The following THRB variants were observed in gnomAD, a reference collection of about 807,000 sequenced individuals.
THRB encodes the protein nuclear receptor subfamily 1 group A member 2.
A neutral mutation model predicts 47.8 loss-of-function variants in THRB; 12 were observed. The observed-to-expected ratio is 0.25, with a 90% CI of 0.16 to 0.41. THRB has a LOEUF of 0.41. Ranked by LOEUF, THRB falls within the 10% of genes least tolerant of loss-of-function variation. The pLI, the probability that THRB is intolerant of heterozygous loss-of-function variation, is 1.00. For missense variants in THRB, 348 were observed against 589.2 expected (o/e 0.59, Z 4.24); for synonymous variants, 218 against 212.2 (o/e 1.03, Z -0.24).
intron 1 of THRB, among the ~76,000 whole-genome samples, chr3:24,383,193 C>A (rs1432375820): frequency 3.9e-5 from 6 of 152,092 alleles, no homozygotes; most frequent in Admixed American, 3.3e-4. Context: ...AATATTGAAT[C>A]TTCAACAAAG....
chr3:24,458,429 CT>C (rs1359093616), intron 1 of THRB: 6 of 152,070 alleles, frequency 3.9e-5, no homozygotes, highest in African/African-American at 1.4e-4. Flanking sequence ...GAATAATTGC[CT>C]TTGAAGATTT....
At chr3:24,249,901 AT>A (rs1185579823) in intron 3 of THRB, among the ~76,000 whole-genome samples, 2 of 152,182 alleles carry the variant, frequency 1.3e-5, no homozygotes, top group East Asian at 3.8e-4. Context: ...TTTTGCTAGT[AT>A]TTCCACATGG....
At chr3:24,242,794 A>C (rs968047615) in intron 3 of THRB, among the ~76,000 whole-genome samples, 10 of 152,142 alleles carry the variant, frequency 6.6e-5, no homozygotes, top group Admixed American at 3.9e-4. Flanking sequence ...GTTTGCATCC[A>C]GCCAAAGAAT....
chr3:24,287,475 C>G (rs968234846), intron 3 of THRB, among the ~76,000 whole-genome samples: 59 of 152,144 alleles, frequency 3.9e-4, no homozygotes, highest in Non-Finnish European at 7.1e-4. Flanking sequence ...AAAATCAGTT[C>G]TAGTGAAGCA....
intron 3 of THRB, among the ~76,000 whole-genome samples, chr3:24,292,015 A>C (rs1303546797): frequency 1.3e-5 from 2 of 152,190 alleles, no homozygotes; most frequent in Admixed American, 6.5e-5. Flanking sequence ...TGGTACATCT[A>C]ATCATTCAAT....
chr3:24,292,122 A>C (rs1205368078), intron 3 of THRB, among the ~76,000 whole-genome samples: 1 of 152,136 alleles, frequency 6.6e-6, no homozygotes. Flanking sequence ...TTAAGGAAAA[A>C]ATTTAATCTG....
At chr3:24,175,893 C>A (rs1028825603) in intron 5 of THRB, among the ~76,000 whole-genome samples, 20 of 152,096 alleles carry the variant, frequency 1.3e-4, no homozygotes, top group African/African-American at 4.6e-4. Context: ...TACATAATTA[C>A]AAAGGGAAAA....
rs972105651 is a variant in THRB at position 24,117,643 on chromosome 3, A to G, written c.*5241T>C. On this transcript the variant is annotated 3_prime_UTR_variant, in exon 11 of 11. Coordinates refer to ENST00000646209, the MANE Select transcript of THRB (RefSeq NM_001354712.2). ...CACCGTAAGGTGAAAGGCCATGTGA[A>G]TGTTAAGTCTACATGAATGACAAAA... The G allele has an allele frequency of 3.3e-5, 5 of 152,246 alleles. No individual in the cohort carries two copies. The highest frequency in any genetic ancestry group is 1.3e-4 in the Admixed American group (2 of 15,290). 9.4% of individuals were successfully genotyped at this position (152,246 alleles called of 1,614,324 possible). A position where few individuals can be genotyped will look rare whatever the true frequency, so the allele number is the denominator to read the frequency against.
rs71855335 is a variant in THRB, at chr3:24,477,085, GGTGTGTGT to G, written c.-261+17559_-261+17566del. 6.9e-3 allele frequency among the ~76,000 whole-genome samples: 943 copies of G among 137,650 alleles called. 12 individuals are homozygous for G. The highest frequency in any genetic ancestry group is 0.023 in the African/African-American group (872 of 37,736). 90.3% of individuals were successfully genotyped at this position (137,650 alleles called of 152,430 possible). ...ATGATCCAGGACATACATATAAAGGGGTGTGTGTGTGTGTGTGTGTGTGTGTGTGTGTG... is the reference window on the plus strand; with the variant it reads ...ATGATCCAGGACATACATATAAAGGGGTGTGTGTGTGTGTGTGTGTGTGTG... On this transcript the variant is annotated intron_variant, in intron 1 of 10. Transcript: ENST00000646209.
chr3:24,261,021 C>T (rs1337981426), intron 3 of THRB, among the ~76,000 whole-genome samples: 1 of 140,336 alleles, frequency 7.1e-6, no homozygotes, highest in Non-Finnish European at 1.5e-5. Flanking sequence ...GATGCCGATG[C>T]TGCTGGTCTG....
At chr3:24,421,574 A>T (rs887567372) in intron 1 of THRB, among the ~76,000 whole-genome samples, 1 of 151,774 alleles carries the variant, frequency 6.6e-6, no homozygotes, top group Non-Finnish European at 1.5e-5. Context: ...CTAATCCAAT[A>T]GGTTGTATGT....
intron 1 of THRB, among the ~76,000 whole-genome samples, chr3:24,432,140 C>T (rs779118946): frequency 1.3e-5 from 2 of 152,106 alleles, no homozygotes; most frequent in Non-Finnish European, 2.9e-5. Context: ...ATTCCATTAC[C>T]AAGCTTCATA....
At chr3:24,396,374 A>T (rs1260666124) in intron 1 of THRB, among the ~76,000 whole-genome samples, 1 of 90,252 alleles carries the variant, frequency 1.1e-5, no homozygotes, top group East Asian at 3.1e-4. Context: ...CGTTTGGCCA[A>T]CGGTGAAAAC....
chr3:24,375,187 G>A (rs892482126), intron 1 of THRB, among the ~76,000 whole-genome samples: 4 of 151,424 alleles, frequency 2.6e-5, no homozygotes, highest in African/African-American at 9.7e-5. Context: ...AGTGCTAAGA[G>A]CCATGTTTTA....
chr3:24,474,728 G>C (rs1695193103), intron 1 of THRB, among the ~76,000 whole-genome samples: 2 of 152,108 alleles, frequency 1.3e-5, no homozygotes, highest in Non-Finnish European at 2.9e-5. Context: ...TCAGAAGACT[G>C]CTGCAGACCA....
intron 1 of THRB, among the ~76,000 whole-genome samples, chr3:24,449,891 C>T (rs2072474691): frequency 6.6e-6 from 1 of 152,014 alleles, no homozygotes. Flanking sequence ...GGACTTACTG[C>T]TTTGATTTAT....
At chr3:24,466,938 CTCTT>C (rs1299270077) in intron 1 of THRB, among the ~76,000 whole-genome samples, 2 of 152,160 alleles carry the variant, frequency 1.3e-5, no homozygotes, top group Admixed American at 6.5e-5. Flanking sequence ...CATCAATTAA[CTCTT>C]TCTTTCATGA....
At chr3:24,287,226 T>C (rs1455705484) in intron 3 of THRB, among the ~76,000 whole-genome samples, 2 of 152,142 alleles carry the variant, frequency 1.3e-5, no homozygotes, top group Admixed American at 1.3e-4. Flanking sequence ...CCTTCAGCTT[T>C]ACCCACTCTC....
chr3:24,392,872 G>C (rs962239588), intron 1 of THRB, among the ~76,000 whole-genome samples: 1 of 151,922 alleles, frequency 6.6e-6, no homozygotes, highest in Non-Finnish European at 1.5e-5. Context: ...TTTTGATATG[G>C]GGAATAAGTA....
Sources: allele counts gnomAD v4.1 joint callset (sites outside exome capture counted in the v4.1 genomes callset), GRCh38; gene constraint gnomAD v4.1.1; transcripts MANE v1.5; gene names NCBI Gene and HGNC (gene_info 2026-07-23, HGNC 2026-07-21).